DOCK4: variants seen among roughly 807,000 people sequenced by gnomAD.
DOCK4 encodes dedicator of cytokinesis 4, also known as dedicator of cytokinesis protein 4.
DOCK4 carries 97 observed loss-of-function variants against 268.1 expected under a neutral mutation model. The observed-to-expected ratio is 0.36, with a 90% CI of 0.31 to 0.43. DOCK4 has a LOEUF of 0.43. DOCK4 is among the 20% of genes least tolerant of loss of function. DOCK4 has a pLI of 1.00. For missense variants in DOCK4, 2,145 were observed against 2,455.7 expected, an observed-to-expected ratio of 0.87 and a Z score of 2.67; for synonymous variants, 954 against 887.2, an observed-to-expected ratio of 1.08 and a Z score of -1.34.
chr7:111,901,870 G>C, intron 13 of DOCK4, 69 bp from the exon 14 acceptor site: 1 of 1,233,550 alleles, frequency 8.1e-7, no homozygotes, highest in Non-Finnish European at 1.1e-6. Context: ...GCTCTATCAA[G>C]AAAAACTTTA....
intron 6 of DOCK4, among the ~76,000 whole-genome samples, chr7:111,987,425 A>G (rs1799133696): frequency 6.6e-6 from 1 of 152,042 alleles, no homozygotes; most frequent in Non-Finnish European, 1.5e-5. Context: ...TAGTCCTTTA[A>G]ATGAGGACCA....
chr7:112,081,549 A>G (rs1265816720), intron 1 of DOCK4, among the ~76,000 whole-genome samples: 1 of 152,158 alleles, frequency 6.6e-6, no homozygotes, highest in East Asian at 1.9e-4. Flanking sequence ...GGATTCTTCT[A>G]GAAAGATCCC....
chr7:111,863,689 T>A, intron 22 of DOCK4, 125 bp from the exon 23 acceptor site: 1 of 1,035,930 alleles, frequency 9.7e-7, no homozygotes, highest in Non-Finnish European at 1.3e-6. Flanking sequence ...GTATGAAATG[T>A]TTCTGTTACC....
chr7:111,970,848 T>A (rs1468234281), intron 8 of DOCK4, among the ~76,000 whole-genome samples: 1 of 152,152 alleles, frequency 6.6e-6, no homozygotes, highest in African/African-American at 2.4e-5. Context: ...TGGGCCTCAA[T>A]CTTTAGTCAC....
intron 1 of DOCK4, among the ~76,000 whole-genome samples, chr7:112,198,354 C>T (rs545966878): frequency 2.6e-5 from 4 of 152,248 alleles, no homozygotes; most frequent in Admixed American, 2.6e-4. Flanking sequence ...GACTTCCTAG[C>T]CTGCGGAACT....
chr7:111,974,219 A>C (rs1383857948), intron 8 of DOCK4, among the ~76,000 whole-genome samples: 2 of 152,164 alleles, frequency 1.3e-5, no homozygotes, highest in Admixed American at 6.5e-5. Flanking sequence ...AAACTGACTC[A>C]TTACAAGGTT....
chr7:112,117,609 G>A (rs1367216684), intron 1 of DOCK4, among the ~76,000 whole-genome samples: 2 of 152,220 alleles, frequency 1.3e-5, no homozygotes, highest in Non-Finnish European at 2.9e-5. Context: ...GACCTCAGGT[G>A]ATCCACCTGC....
intron 25 of DOCK4, among the ~76,000 whole-genome samples, chr7:111,836,908 G>A (rs537276002): frequency 1.1e-3 from 163 of 152,198 alleles, no homozygotes; most frequent in Non-Finnish European, 1.6e-3. Flanking sequence ...ACTTCAAGTA[G>A]CAGAATATCT....
chr7:112,171,255 T>C (rs186827309), intron 1 of DOCK4, among the ~76,000 whole-genome samples: 1 of 152,284 alleles, frequency 6.6e-6, no homozygotes. Context: ...AATTAACCTA[T>C]TTTCCATAAA....
chr7:111,762,762 C>CTTTTTTTTTTTTTTTTGTTTT (rs1797510428), intron 39 of DOCK4, among the ~76,000 whole-genome samples: 1 of 63,068 alleles, frequency 1.6e-5, no homozygotes, highest in Admixed American at 2.6e-4. Flanking sequence ...GTTTTGTTTT[C>CTTTTTTTTTTTTTTTTGTTTT]TTTTTTTTTT....
chr7:111,836,262 T>G (rs1280720779), intron 25 of DOCK4, among the ~76,000 whole-genome samples: 1 of 151,872 alleles, frequency 6.6e-6, no homozygotes, highest in Non-Finnish European at 1.5e-5. Flanking sequence ...AGGCATTAGT[T>G]AGAGTACCAA....
chr7:111,901,805 TA>T lies in DOCK4; in HGVS notation c.1193-5del. 6.4e-7 allele frequency: 1 copy of T among 1,550,464 alleles called. No homozygotes were observed. The highest frequency in any genetic ancestry group is 8.8e-7 in the Non-Finnish European group (1 of 1,132,422). On this transcript the variant is annotated splice_region_variant and splice_polypyrimidine_tract_variant and intron_variant, in intron 13 of 52. Transcript: ENST00000428084. ...TATAAATCATTCCTCATTTCACCTA[TA>T]AGGAAAGGAAAATTAAAACCATGTT...
chr7:111,989,162 C>A lies in DOCK4; in HGVS notation c.317G>T (p.Arg106Leu), dbSNP rs200264338. The change falls in exon 6 of 53, where the codon CGT becomes CTT. Residue 106 changes from arginine (R) to leucine (L), a missense_variant and splice_region_variant. Physicochemically the swap from Arg to Leu is moderately radical, Grantham distance 102 (BLOSUM62 -2). Coordinates refer to ENST00000428084, the MANE Select transcript of DOCK4 (RefSeq NM_001363540.2). ...CCGGTGGAAGAGATCGCCTTCATTA[C>A]GCTAAGAAATATACAAATGTGGAGA... ...WGTMWKQLYVRNEGDLFHRLW... is the reference protein window; with the variant it reads ...WGTMWKQLYVLNEGDLFHRLW... 1 of 1,613,772 alleles carries A rather than the reference C, an allele frequency of 6.2e-7. No individual in the cohort carries two copies. The highest frequency in any genetic ancestry group is 1.3e-5 in the African/African-American group (1 of 74,900).
intron 27 of DOCK4, among the ~76,000 whole-genome samples, chr7:111,813,354 A>G (rs1801284603): frequency 6.7e-6 from 1 of 150,202 alleles, no homozygotes. Flanking sequence ...TTAGAAAAAT[A>G]TAGACTTTGA....
chr7:111,741,567 T>C lies in DOCK4; in HGVS notation c.4892A>G (p.Asp1631Gly), dbSNP rs764713923. The C allele has an allele frequency of 1.9e-6, 3 of 1,613,496 alleles. No individual in the cohort carries two copies. The highest frequency in any genetic ancestry group is 2.5e-6 in the Non-Finnish European group (3 of 1,179,696). The stretch of plus-strand genomic sequence containing the variant: ...GCGTCTAGGAATTACCCTGGTACCA[T>C]CTGGGCTCACAGAAGCAGGTGCTGA... ...RNSAPASVSP[D>G]GTRVIPRRSP... is the part of the protein sequence containing the mutation. Residue 1631 changes from aspartate to glycine, a missense_variant, in exon 46 of 53, where the codon GAT (aspartate) becomes GGT (glycine). Asp to Gly is a moderately conservative substitution (Grantham distance 94). Around this residue, in one of 2 missense-constraint regions of DOCK4, gnomAD observed 547 missense variants for 469.0 expected, o/e 1.17. Transcript: ENST00000428084.
chr7:111,995,562 C>G (rs1021447737), intron 4 of DOCK4, among the ~76,000 whole-genome samples: 2 of 151,754 alleles, frequency 1.3e-5, no homozygotes, highest in Admixed American at 1.3e-4. Flanking sequence ...GTATATTTTT[C>G]TCAAGAAAAC....
rs776452844 is a variant in DOCK4, at chr7:111,728,386, G to A, written c.5816C>T (p.Ala1939Val). Residue 1939 changes from alanine (A) to valine (V), a missense_variant, in exon 53 of 53, where the codon GCG (alanine) becomes GTG (valine). Around this residue, in one of 2 missense-constraint regions of DOCK4, gnomAD observed 547 missense variants for 469.0 expected, o/e 1.17. Transcript: ENST00000428084. ...CGCTGCCAGAGGCTTGGGGGGCAGC[G>A]CGGGCGGCTCCGACGTGACGGGGAT... Reference protein sequence around the residue: ...LSIPVTSEPPALPPKPLAARS... With the variant: ...LSIPVTSEPPVLPPKPLAARS... 2.6e-6 allele frequency: 4 copies of A among 1,552,640 alleles called. No homozygotes were observed. Among genetic ancestry groups the A allele is most frequent in the African/African-American group, 1.4e-5 (1 of 73,640 alleles).
chr7:111,847,747 G>T (rs1456428092), intron 23 of DOCK4, among the ~76,000 whole-genome samples: 1 of 152,088 alleles, frequency 6.6e-6, no homozygotes, highest in East Asian at 1.9e-4. Context: ...TGATTGTGAG[G>T]CCTTCTCATC....
chr7:112,130,824 C>T (rs1262948908), intron 1 of DOCK4, among the ~76,000 whole-genome samples: 1 of 152,214 alleles, frequency 6.6e-6, no homozygotes, highest in Non-Finnish European at 1.5e-5. Flanking sequence ...CAACTTTGTT[C>T]ACTGTGGCAG....
Sources: gnomAD v4.1 joint callset for allele counts (sites outside exome capture counted in the v4.1 genomes callset) on GRCh38, gnomAD v4.1.1 for gene constraint, gnomAD v4.1.1 regional missense constraint, MANE v1.5 for transcripts, NCBI Gene and HGNC (gene_info 2026-07-23, HGNC 2026-07-21) for gene names.